Variants in ARHGAP29 observed in about 807,000 individuals in gnomAD.
ARHGAP29 encodes the protein rho GTPase-activating protein 29.
ARHGAP29 carries 43 observed loss-of-function variants against 122.6 expected under a neutral mutation model. That is an observed-to-expected ratio of 0.35 (90% CI 0.27 to 0.45). The LOEUF is 0.45. Ranked by LOEUF, ARHGAP29 falls within the 20% of genes least tolerant of loss-of-function variation. The probability of loss-of-function intolerance (pLI) is 1.00; values close to 1 mark genes in which losing one functional copy is unlikely to be tolerated. For synonymous variants in ARHGAP29, 506 were observed against 497.1 expected (o/e 1.02, Z -0.24); for missense variants, 1,303 against 1,477.2 (o/e 0.88, Z 1.93).
At chr1:94,292,351 G>A in the ARHGAP29 span, among the ~76,000 whole-genome samples, 3 of 152,086 alleles carry the variant, frequency 2.0e-5, no homozygotes, top group Non-Finnish European at 2.9e-5. Flanking sequence ...TTAGCCATTC[G>A]TCTAACCTTT....
upstream of ARHGAP29, among the ~76,000 whole-genome samples, chr1:94,240,208 G>A (rs1307407662): frequency 6.6e-6 from 1 of 152,144 alleles, no homozygotes; most frequent in Non-Finnish European, 1.5e-5. Flanking sequence ...GGCTATTTGG[G>A]AATCGAGGAA....
the ARHGAP29 span, among the ~76,000 whole-genome samples, chr1:94,310,611 C>T: frequency 1.4e-4 from 21 of 152,190 alleles, no homozygotes; most frequent in Non-Finnish European, 2.8e-4. Context: ...CTGAGTCAAC[C>T]GCTCTTTGAC....
chr1:94,182,530 AAAG>A (rs1238677859), intron 19 of ARHGAP29, among the ~76,000 whole-genome samples: 1 of 152,130 alleles, frequency 6.6e-6, no homozygotes, highest in African/African-American at 2.4e-5. Flanking sequence ...AATGGGAAAA[AAAG>A]AAGATTCCAC....
At chr1:94,192,760 G>A (rs1016947793) in intron 12 of ARHGAP29, 1 of 152,224 alleles carries the variant, frequency 6.6e-6, no homozygotes, top group Middle Eastern at 3.4e-3. Flanking sequence ...GATTAGGAAG[G>A]GAGTCACGCA....
chr1:94,262,243 T>A (rs899318443), intron 1 of ARHGAP29, among the ~76,000 whole-genome samples: 6 of 152,060 alleles, frequency 3.9e-5, no homozygotes, highest in African/African-American at 1.4e-4. Context: ...TTATACCATA[T>A]ACAAAAATCA....
In ARHGAP29 at chr1:94,220,261, T is replaced by C. The variant is rs777185368; in HGVS notation, c.337A>G (p.Lys113Glu). Reference protein sequence around the residue: ...NAAEMLTAKVKAVNFTEVNEE... With the variant: ...NAAEMLTAKVEAVNFTEVNEE... ...ACTTTTACTATATCTTCCTTACCTT[T>C]CACTTTTGCAGTGAGCATTTCTGCA... The change falls in exon 3 of 23, where the codon AAA becomes GAA. Residue 113 changes from lysine (K) to glutamate (E), a missense_variant. Physicochemically the swap from Lys to Glu is moderately conservative, Grantham distance 56. Around this residue, in one of 3 missense-constraint regions of ARHGAP29, gnomAD observed 592 missense variants for 648.2 expected, o/e 0.91. Transcript: ENST00000260526. 1 of 1,613,172 alleles carries C rather than the reference T, an allele frequency of 6.2e-7. No individual in the cohort carries two copies. Among genetic ancestry groups the C allele is most frequent in the Non-Finnish European group, 8.5e-7 (1 of 1,179,602 alleles).
Position 94,179,871 on chromosome 1 carries a change from C to T in ARHGAP29, c.2334G>A (p.Glu778=), listed in dbSNP as rs1445679077. 6.2e-7 allele frequency: 1 copy of T among 1,612,928 alleles called. No individual in the cohort carries two copies. Among genetic ancestry groups the T allele is most frequent in the Middle Eastern group, 1.7e-4 (1 of 6,048 alleles). The change falls in exon 20 of 23, where the codon GAG becomes GAA. Residue 778 remains glutamate, a synonymous_variant. Coordinates refer to ENST00000260526, the MANE Select transcript of ARHGAP29 (RefSeq NM_004815.4). Reference sequence around the variant, plus strand: ...TGTCTTCAAGACTATTCTTTTTTGTCTCTTGTTCTTCATTTACATGTTGGA... The same window carrying T: ...TGTCTTCAAGACTATTCTTTTTTGTTTCTTGTTCTTCATTTACATGTTGGA... ...KEIQHVNEEQ[E]TKKNSLEDKK...
chr1:94,183,225 C>T (rs1452318766), intron 19 of ARHGAP29, among the ~76,000 whole-genome samples: 1 of 151,956 alleles, frequency 6.6e-6, no homozygotes, highest in Non-Finnish European at 1.5e-5. Context: ...TAAAAAGGAT[C>T]CTGCTGGAAG....
intron 1 of ARHGAP29, among the ~76,000 whole-genome samples, chr1:94,247,183 G>A (rs1263067151): frequency 2.0e-5 from 3 of 152,126 alleles, no homozygotes; most frequent in Non-Finnish European, 4.4e-5. Context: ...AAGAAAGACG[G>A]ACTTGAGACC....
chr1:94,203,637 G>A (rs958264846), intron 8 of ARHGAP29, among the ~76,000 whole-genome samples: 5 of 152,080 alleles, frequency 3.3e-5, no homozygotes, highest in Admixed American at 6.6e-5. Flanking sequence ...AGGAGGCTGC[G>A]GTGGGAGGAT....
chr1:94,264,732 A>C (rs1431499478), intron 1 of ARHGAP29, among the ~76,000 whole-genome samples: 1 of 152,020 alleles, frequency 6.6e-6, no homozygotes, highest in Non-Finnish European at 1.5e-5. Flanking sequence ...TTTGCATGTC[A>C]CAATCCTCCA....
intron 19 of ARHGAP29, among the ~76,000 whole-genome samples, chr1:94,183,622 T>C (rs1403547755): frequency 6.6e-6 from 1 of 152,186 alleles, no homozygotes. Flanking sequence ...ATTCATCATC[T>C]TGGCCACTAA....
intron 1 of ARHGAP29, among the ~76,000 whole-genome samples, chr1:94,255,304 T>G (rs1049721236): frequency 5.3e-5 from 8 of 151,870 alleles, no homozygotes; most frequent in African/African-American, 1.9e-4. Flanking sequence ...GTTGAGAGAG[T>G]CCTCAAAAGA....
rs1190707547 is a variant in ARHGAP29, at chr1:94,169,195, T to A, written c.*4674A>T. On this transcript the variant is annotated 3_prime_UTR_variant, in exon 23 of 23. Transcript: ENST00000260526. ...GTGAGTATTCAATAATTGCTCATTA[T>A]CAAAAGGTTGTGAATTTGTCTCTCT... 6.6e-6 allele frequency among the ~76,000 whole-genome samples: 1 copy of A among 152,232 alleles called. No homozygotes were observed. The highest frequency in any genetic ancestry group is 2.4e-5 in the African/African-American group (1 of 41,458).
chr1:94,306,776 G>A, the ARHGAP29 span, among the ~76,000 whole-genome samples: 3 of 152,114 alleles, frequency 2.0e-5, no homozygotes, highest in East Asian at 1.9e-4. Context: ...GAAAGAAAAC[G>A]TTAGGGGAAA....
At chr1:94,269,776 C>A (rs1199268336) in intron 1 of ARHGAP29, among the ~76,000 whole-genome samples, 1 of 152,028 alleles carries the variant, frequency 6.6e-6, no homozygotes, top group African/African-American at 2.4e-5. Context: ...AATCATAGTT[C>A]TTAAAGAGCT....
intron 2 of ARHGAP29, among the ~76,000 whole-genome samples, chr1:94,231,016 T>G (rs1041058504): frequency 9.2e-5 from 14 of 151,908 alleles, no homozygotes; most frequent in Admixed American, 2.6e-4. Context: ...TGTGGAAAGG[T>G]GAATTTAGGT....
At chr1:94,194,385 A>T (rs1650312637) in intron 12 of ARHGAP29, 1 of 152,190 alleles carries the variant, frequency 6.6e-6, no homozygotes, top group African/African-American at 2.4e-5. Context: ...CCATTTTCAT[A>T]TATGACAGAA....
intron 1 of ARHGAP29, among the ~76,000 whole-genome samples, chr1:94,260,498 G>A (rs994933643): frequency 1.3e-5 from 2 of 152,104 alleles, no homozygotes; most frequent in Admixed American, 6.6e-5. Flanking sequence ...AGAGCAGCTC[G>A]TCTGTAGGCC....
Sources: gnomAD v4.1 joint callset for allele counts (sites outside exome capture counted in the v4.1 genomes callset) on GRCh38, gnomAD v4.1.1 for gene constraint, gnomAD v4.1.1 regional missense constraint, MANE v1.5 for transcripts, NCBI Gene and HGNC (gene_info 2026-07-23, HGNC 2026-07-21) for gene names.